ANO10: variants seen among roughly 807,000 people sequenced by gnomAD.
ANO10 encodes the protein anoctamin 10.
ANO10 carries 77 observed loss-of-function variants against 74.7 expected under a neutral mutation model. The observed-to-expected ratio is 1.03, with a 90% CI of 0.86 to 1.25. The LOEUF (loss-of-function observed/expected upper bound fraction) is 1.25, where lower values mean the gene tolerates loss of function less well. ANO10 is among the 50% of genes most tolerant of loss of function. The probability of loss-of-function intolerance (pLI) is 0.00; values close to 1 mark genes in which losing one functional copy is unlikely to be tolerated. For synonymous variants in ANO10, 279 were observed against 284.9 expected (o/e 0.98, Z 0.21); for missense variants, 721 against 778.1 (o/e 0.93, Z 0.87).
intron 11 of ANO10, among the ~76,000 whole-genome samples, chr3:43,441,153 T>A: frequency 6.8e-6 from 1 of 146,754 alleles, no homozygotes; most frequent in Non-Finnish European, 1.5e-5. Context: ...AAGAACAAAC[T>A]AAAGTTAGCA....
chr3:43,382,698 C>T (rs570599644), intron 12 of ANO10, among the ~76,000 whole-genome samples: 1 of 152,188 alleles, frequency 6.6e-6, no homozygotes, highest in Admixed American at 6.5e-5. Flanking sequence ...GGAGATATTA[C>T]AACCAATACC....
chr3:43,572,823 A>G (rs1312989577), intron 7 of ANO10, among the ~76,000 whole-genome samples: 1 of 152,140 alleles, frequency 6.6e-6, no homozygotes, highest in East Asian at 1.9e-4. Flanking sequence ...ATGGGGAGTC[A>G]TTCTAGAAAG....
intron 11 of ANO10, among the ~76,000 whole-genome samples, chr3:43,457,543 G>C (rs1478516190): frequency 6.6e-6 from 1 of 152,106 alleles, no homozygotes; most frequent in African/African-American, 2.4e-5. Context: ...GAACAGTATG[G>C]GGGAAACCAC....
chr3:43,612,986 G>A lies in ANO10; in HGVS notation c.-11-7123C>T, dbSNP rs1479162723. 3.3e-5 allele frequency among the ~76,000 whole-genome samples: 5 copies of A among 152,220 alleles called. No individual in the cohort carries two copies. In the East Asian group the frequency reaches 9.7e-4, roughly 29 times the overall value. On this transcript the variant is annotated intron_variant, in intron 1 of 12. Coordinates refer to ENST00000292246, the MANE Select transcript of ANO10 (RefSeq NM_018075.5). ...AGTTCGAGACCAGCCTGGCCAACAT[G>A]GTGGAACCTTGTCTCTACTAAAAAT...
chr3:43,636,005 C>A (rs763199811), intron 1 of ANO10, among the ~76,000 whole-genome samples: 5 of 150,192 alleles, frequency 3.3e-5, no homozygotes, highest in Non-Finnish European at 7.4e-5. Flanking sequence ...GAATCCTTAA[C>A]AAACAAGTAA....
At chr3:43,643,499 C>T (rs2083691723) in intron 1 of ANO10, among the ~76,000 whole-genome samples, 1 of 151,770 alleles carries the variant, frequency 6.6e-6, no homozygotes, top group African/African-American at 2.4e-5. Flanking sequence ...CAGAAGAATT[C>T]TAATTTGCAT....
At chr3:43,606,085 C>G in intron 1 of ANO10, among the ~76,000 whole-genome samples, 1 of 152,090 alleles carries the variant, frequency 6.6e-6, no homozygotes, top group East Asian at 1.9e-4. Flanking sequence ...ATAAGCAGCT[C>G]AGAATGCAGC....
chr3:43,366,925 C>T lies in ANO10; in HGVS notation c.1964G>A (p.Gly655Glu). The stretch of plus-strand genomic sequence containing the variant: ...GGGCACTCAGGTTGCCTTCTCCTTC[C>T]CGCTTTCCATTGGTTCCTCCTTCAG... ...ENLKEEPMES[G>E]KEKAT The change falls in exon 13 of 13, where the codon GGG becomes GAG. Residue 655 changes from glycine to glutamate, a missense_variant. Physicochemically the swap from Gly to Glu is moderately conservative, Grantham distance 98. Coordinates refer to ENST00000292246, the MANE Select transcript of ANO10 (RefSeq NM_018075.5). The T allele has an allele frequency of 6.3e-7, 1 of 1,597,138 alleles. No individual in the cohort carries two copies. Among genetic ancestry groups the T allele is most frequent in the Non-Finnish European group, 8.5e-7 (1 of 1,171,726 alleles).
intron 12 of ANO10, among the ~76,000 whole-genome samples, chr3:43,423,520 G>C (rs948639076): frequency 2.6e-5 from 4 of 152,252 alleles, no homozygotes; most frequent in Non-Finnish European, 5.9e-5. Context: ...AACAGAAATG[G>C]GCACCAGGCT....
intron 12 of ANO10, among the ~76,000 whole-genome samples, chr3:43,423,748 A>G (rs986123117): frequency 2.6e-5 from 4 of 152,184 alleles, no homozygotes; most frequent in African/African-American, 9.7e-5. Flanking sequence ...CTGTGCAAAA[A>G]ATTACCTGCA....
At chr3:43,370,786 T>C (rs1430756494) in intron 12 of ANO10, among the ~76,000 whole-genome samples, 1 of 152,216 alleles carries the variant, frequency 6.6e-6, no homozygotes, top group East Asian at 1.9e-4. Flanking sequence ...TGCATCATTA[T>C]TAGTAATGAT....
chr3:43,432,106 C>T (rs1359937826), intron 12 of ANO10, among the ~76,000 whole-genome samples: 1 of 150,568 alleles, frequency 6.6e-6, no homozygotes, highest in Non-Finnish European at 1.5e-5. Flanking sequence ...AAATGGTCAA[C>T]TCCAGCATGG....
intron 11 of ANO10, among the ~76,000 whole-genome samples, chr3:43,539,325 C>G (rs1160950577): frequency 6.6e-6 from 1 of 152,048 alleles, no homozygotes; most frequent in African/African-American, 2.4e-5. Flanking sequence ...CTTTCTAAAG[C>G]AACACTTGCT....
At chr3:43,452,619 G>A (rs1036108952) in intron 11 of ANO10, among the ~76,000 whole-genome samples, 1 of 152,180 alleles carries the variant, frequency 6.6e-6, no homozygotes, top group African/African-American at 2.4e-5. Flanking sequence ...AGGCTATCAC[G>A]AATAATGCTG....
At chr3:43,564,826 G>A (rs1310959114) in intron 8 of ANO10, among the ~76,000 whole-genome samples, 4 of 152,046 alleles carry the variant, frequency 2.6e-5, no homozygotes, top group Non-Finnish European at 5.9e-5. Context: ...CCCCACCTTT[G>A]CTGGTATTAC....
chr3:43,376,391 A>G (rs2125686055), intron 12 of ANO10, among the ~76,000 whole-genome samples: 1 of 152,312 alleles, frequency 6.6e-6, no homozygotes, highest in African/African-American at 2.4e-5. Context: ...CAGTGGCCTG[A>G]GGCTGAGACA....
chr3:43,618,804 CT>C (rs957300274), intron 1 of ANO10, among the ~76,000 whole-genome samples: 1,802 of 147,828 alleles, frequency 0.012, 31 homozygotes, highest in African/African-American at 0.039. Flanking sequence ...AGTTATACGT[CT>C]TTTTTTTTTT....
At chr3:43,488,669 A>C (rs1340084877) in intron 11 of ANO10, among the ~76,000 whole-genome samples, 1 of 150,164 alleles carries the variant, frequency 6.7e-6, no homozygotes, top group Non-Finnish European at 1.5e-5. Flanking sequence ...GTCAGGAAAC[A>C]ACAGGTGCTG....
chr3:43,691,087 C>T (rs1383887640), intron 1 of ANO10: 1 of 1,499,464 alleles, frequency 6.7e-7, no homozygotes, highest in South Asian at 1.3e-5. Context: ...CGCGCACCCT[C>T]CGCGCGGGCC....
Sources: allele counts gnomAD v4.1 joint callset (sites outside exome capture counted in the v4.1 genomes callset), GRCh38; gene constraint gnomAD v4.1.1; transcripts MANE v1.5; gene names NCBI Gene and HGNC (gene_info 2026-07-23, HGNC 2026-07-21).